ANKFN1: variants seen among roughly 807,000 people sequenced by gnomAD.
ANKFN1 encodes ankyrin repeat and fibronectin type-III domain-containing protein 1.
Under a neutral mutation model 108.7 loss-of-function variants are expected in ANKFN1, and 74 were observed. The ratio of observed to expected loss-of-function variants is 0.68; its 90% CI spans 0.56 to 0.83. The LOEUF (loss-of-function observed/expected upper bound fraction) is 0.83, where lower values mean the gene tolerates loss of function less well. Among genes scored for constraint, ANKFN1 ranks in the 40% least tolerant of loss-of-function variants. The probability of loss-of-function intolerance (pLI) is 0.00; values close to 1 mark genes in which losing one functional copy is unlikely to be tolerated. For missense variants in ANKFN1, 1,505 were observed against 1,382.3 expected (o/e 1.09, Z -1.41); for synonymous variants, 547 against 516.2 (o/e 1.06, Z -0.81).
At chr17:56,380,257 G>A (rs903324161) in intron 8 of ANKFN1, among the ~76,000 whole-genome samples, 8 of 152,252 alleles carry the variant, frequency 5.3e-5, no homozygotes, top group South Asian at 2.1e-4. Context: ...ATTTAGTTGC[G>A]GGACAGTAGA....
chr17:56,242,424 A>G (rs945272585), intron 3 of ANKFN1, among the ~76,000 whole-genome samples: 1 of 152,068 alleles, frequency 6.6e-6, no homozygotes, highest in Non-Finnish European at 1.5e-5. Context: ...ACATCTTTTG[A>G]TATATTTATT....
chr17:56,165,505 A>G (rs963276715), intron 1 of ANKFN1, among the ~76,000 whole-genome samples: 2 of 152,202 alleles, frequency 1.3e-5, no homozygotes, highest in African/African-American at 4.8e-5. Flanking sequence ...CATGTTCTAC[A>G]TACCCAAATT....
intron 1 of ANKFN1, among the ~76,000 whole-genome samples, chr17:56,192,386 C>A (rs1279431822): frequency 3.2e-4 from 16 of 50,374 alleles, no homozygotes; most frequent in African/African-American, 1.1e-3. Context: ...GCAACAAAAG[C>A]CAAAATTGAC....
chr17:56,457,204 T>C, intron 12 of ANKFN1, 53 bp from the exon 13 acceptor site: 1 of 1,489,138 alleles, frequency 6.7e-7, no homozygotes, highest in Non-Finnish European at 9.0e-7. Context: ...TCCAAAAAAA[T>C]ATTTTTCCAA....
intron 6 of ANKFN1, among the ~76,000 whole-genome samples, chr17:56,371,412 A>T (rs1355181501): frequency 1.3e-5 from 2 of 152,244 alleles, no homozygotes; most frequent in Non-Finnish European, 2.9e-5. Flanking sequence ...GAACACAGAG[A>T]ATATGAATAT....
intron 4 of ANKFN1, among the ~76,000 whole-genome samples, chr17:56,089,722 G>T (rs1905377781): frequency 1.3e-5 from 2 of 151,508 alleles, no homozygotes; most frequent in South Asian, 2.1e-4. Context: ...TCCCCATAAA[G>T]GTAGTGAAGG....
At chr17:56,173,959 A>C (rs1272827066) in intron 1 of ANKFN1, among the ~76,000 whole-genome samples, 1 of 152,244 alleles carries the variant, frequency 6.6e-6, no homozygotes, top group Non-Finnish European at 1.5e-5. Context: ...ATCTGCCCTG[A>C]GTATTCCTTC....
At chr17:56,270,640 C>T (rs1452496949) in intron 3 of ANKFN1, among the ~76,000 whole-genome samples, 1 of 152,170 alleles carries the variant, frequency 6.6e-6, no homozygotes, top group Non-Finnish European at 1.5e-5. Context: ...ACCCAAATTC[C>T]TCACTACGGC....
At chr17:56,273,920 G>A (rs1344874266) in intron 3 of ANKFN1, among the ~76,000 whole-genome samples, 1 of 152,178 alleles carries the variant, frequency 6.6e-6, no homozygotes, top group Admixed American at 6.5e-5. Context: ...GGTCCCAAAT[G>A]TTACTGTCTC....
chr17:56,092,266 A>ATTTTTTTT lies in ANKFN1; in HGVS notation c.288+45955_288+45962dup, dbSNP rs748898792. 1.7e-3 allele frequency among the ~76,000 whole-genome samples: 188 copies of ATTTTTTTT among 111,364 alleles called. 5 individuals carry two copies. The highest frequency in any genetic ancestry group is 7.2e-3 in the African/African-American group (178 of 24,884). 73.1% of individuals were successfully genotyped at this position (111,364 alleles called of 152,430 possible). ...ATGTAGGCACAGGGAGTGAGGTAGT[A>ATTTTTTTT]TTTTTTTTTTTTTTTTTTTTTGAGA... On this transcript the variant is annotated intron_variant, in intron 4 of 12. Transcript: ENST00000635860.
intron 8 of ANKFN1, among the ~76,000 whole-genome samples, chr17:56,438,725 GGAGGCACTCAA>G (rs1251090113): frequency 6.6e-6 from 1 of 152,018 alleles, no homozygotes; most frequent in African/African-American, 2.4e-5. Context: ...ACTCGGAATG[GGAGGCACTCAA>G]GTAGAGATTA....
At chr17:56,212,203 G>A (rs537420378) in intron 1 of ANKFN1, among the ~76,000 whole-genome samples, 1 of 151,806 alleles carries the variant, frequency 6.6e-6, no homozygotes, top group Admixed American at 6.6e-5. Flanking sequence ...ATTACCTTAA[G>A]GTATGTCCCT....
In ANKFN1 at chr17:56,275,002, A is replaced by G. The variant is rs756068851; in HGVS notation, c.53+47045A>G. ...TCCCTTCTCTTCCTAAAAAGAATTA[A>G]GTGAGCTAATGCATGGAACCTGTTT... is the stretch of plus-strand genomic sequence containing the variant. On this transcript the variant is annotated intron_variant, in intron 3 of 20. Transcript: ENST00000682825. Among the ~76,000 whole-genome samples, 42 of 152,324 alleles carry G rather than the reference A, an allele frequency of 2.8e-4. No individual in the cohort carries two copies. In the Middle Eastern group the frequency reaches 0.02, roughly 74 times the overall value.
rs888553223 is a variant in ANKFN1, at chr17:56,513,493, G to A, written c.*2224G>A. Among the ~76,000 whole-genome samples the A allele has an allele frequency of 6.6e-6, 1 of 152,198 alleles. No individual in the cohort carries two copies. Among genetic ancestry groups the A allele is most frequent in the Non-Finnish European group, 1.5e-5 (1 of 68,032 alleles). On this transcript the variant is annotated 3_prime_UTR_variant, in exon 21 of 21. Coordinates refer to ENST00000682825, the MANE Select transcript of ANKFN1 (RefSeq NM_001370326.1). ...ATGGATTACTTTGTTCAATGAGTTT[G>A]TGAGATGAGATTCTAGGATTGTGAA...
At chr17:56,283,898 A>T (rs77405164) in intron 3 of ANKFN1, among the ~76,000 whole-genome samples, 4,790 of 151,560 alleles carry the variant, frequency 0.032, 125 homozygotes, top group African/African-American at 0.071. Flanking sequence ...GAAATAAATT[A>T]AAAAAAAATC....
chr17:56,293,848 T>C (rs1270658209), intron 3 of ANKFN1, among the ~76,000 whole-genome samples: 1 of 152,208 alleles, frequency 6.6e-6, no homozygotes, highest in Non-Finnish European at 1.5e-5. Context: ...GCCCTAATTA[T>C]CTCTTATAGT....
At chr17:56,361,104 C>CT (rs1009257397) in intron 6 of ANKFN1, among the ~76,000 whole-genome samples, 1 of 152,040 alleles carries the variant, frequency 6.6e-6, no homozygotes, top group Non-Finnish European at 1.5e-5. Context: ...CTGTGTGTGG[C>CT]TTTTTTTACT....
chr17:56,092,998 C>A (rs1288431788), intron 4 of ANKFN1, among the ~76,000 whole-genome samples: 1 of 151,104 alleles, frequency 6.6e-6, no homozygotes, highest in East Asian at 1.9e-4. Flanking sequence ...AGATTAGGTT[C>A]ACCTGGCTAG....
intron 2 of ANKFN1, among the ~76,000 whole-genome samples, chr17:56,226,504 A>G (rs1916285298): frequency 6.6e-6 from 1 of 152,182 alleles, no homozygotes; most frequent in Admixed American, 6.5e-5. Flanking sequence ...GATTGGAGAT[A>G]TTGAGTAGTT....
Sources: allele counts gnomAD v4.1 joint callset (sites outside exome capture counted in the v4.1 genomes callset), GRCh38; gene constraint gnomAD v4.1.1; transcripts MANE v1.5; gene names NCBI Gene and HGNC (gene_info 2026-07-23, HGNC 2026-07-21).